Variants in ZNF85 observed in about 807,000 individuals in gnomAD.
ZNF85 encodes the protein zinc finger protein 85 (HPF4, HTF1).
Under a neutral mutation model 53.9 loss-of-function variants are expected in ZNF85, and 50 were observed. That is an observed-to-expected ratio of 0.93 (90% CI 0.74 to 1.17). The LOEUF (loss-of-function observed/expected upper bound fraction) is 1.17, where lower values mean the gene tolerates loss of function less well. ZNF85 is among the 50% of genes most tolerant of loss of function. ZNF85 has a pLI of 0.00. For synonymous variants in ZNF85, 225 were observed against 226.1 expected (o/e 1.00, Z 0.04); for missense variants, 747 against 688.5 (o/e 1.08, Z -0.95).
chr19:20,947,368 T>G (rs2144671033), intron 3 of ZNF85, among the ~76,000 whole-genome samples: 1 of 151,836 alleles, frequency 6.6e-6, no homozygotes, highest in East Asian at 1.9e-4. Flanking sequence ...GAATTCTAAT[T>G]TTGGATATGT....
chr19:20,923,381 G>A lies in ZNF85; in HGVS notation c.-20G>A. ...GGGAGATCCACAGCTAAGACGCCGG[G>A]ACCCCCTGGAAGCCTAGAAATGGTG... On this transcript the variant is annotated 5_prime_UTR_variant, in exon 1 of 4. Transcript: ENST00000328178. 6.2e-7 allele frequency: 1 copy of A among 1,614,138 alleles called. No individual in the cohort carries two copies. The highest frequency in any genetic ancestry group is 8.5e-7 in the Non-Finnish European group (1 of 1,180,014).
In ZNF85 at chr19:20,934,597, G is replaced by A. The variant is rs184591697; in HGVS notation, c.131-352G>A. ...ATCCTGGCTAACACGGTGAAACCCCGTCTCTACTAAAAATACAAAAAATTA... is the reference window on the plus strand; with the variant it reads ...ATCCTGGCTAACACGGTGAAACCCCATCTCTACTAAAAATACAAAAAATTA... On this transcript the variant is annotated intron_variant, in intron 2 of 3. Transcript: ENST00000328178. Among the ~76,000 whole-genome samples, 1,055 of 150,688 alleles carry A rather than the reference G, an allele frequency of 7.0e-3. 10 individuals carry two copies. Among genetic ancestry groups the A allele is most frequent in the African/African-American group, 0.019 (789 of 40,468 alleles).
At chr19:20,938,876 G>GTGTGTA (rs1310167478) in intron 3 of ZNF85, among the ~76,000 whole-genome samples, 2 of 140,476 alleles carry the variant, frequency 1.4e-5, no homozygotes, top group African/African-American at 5.5e-5. Context: ...GTGTGTGTGT[G>GTGTGTA]TATATATATG....
At chr19:20,943,354 T>C (rs1175700508) in intron 3 of ZNF85, 1 of 152,442 alleles carries the variant, frequency 6.6e-6, no homozygotes, top group Non-Finnish European at 1.5e-5. Flanking sequence ...TCAAAAAGTT[T>C]ACACTCTGTT....
chr19:20,945,096 A>T (rs185246590), intron 3 of ZNF85, among the ~76,000 whole-genome samples: 8 of 151,092 alleles, frequency 5.3e-5, no homozygotes, highest in African/African-American at 1.9e-4. Context: ...TAATATAAAA[A>T]CTATCATTAC....
chr19:20,947,471 T>C (rs1198152796), intron 3 of ZNF85, among the ~76,000 whole-genome samples: 1 of 146,646 alleles, frequency 6.8e-6, no homozygotes, highest in African/African-American at 2.5e-5. Flanking sequence ...ATGTAGGGCA[T>C]ATGCAGTGCC....
chr19:20,949,425 A>G lies in ZNF85; in HGVS notation c.911A>G (p.His304Arg), dbSNP rs1447454188. The change falls in exon 4 of 4, where the codon CAT becomes CGT. Residue 304 changes from histidine to arginine, a missense_variant. Transcript: ENST00000328178. ...AFNRSSTLTT[H>R]RKIHTGEKPY... ...AACCGATCTTCAACCCTTACTACCC[A>G]TAGAAAAATTCATACTGGAGAGAAA... 4 of 1,609,502 alleles carry G rather than the reference A, an allele frequency of 2.5e-6. No individual in the cohort carries two copies. The highest frequency in any genetic ancestry group is 3.4e-6 in the Non-Finnish European group (4 of 1,176,974).
intron 3 of ZNF85, chr19:20,942,736 C>T (rs1973326367): frequency 3.0e-6 from 2 of 665,326 alleles, no homozygotes; most frequent in Non-Finnish European, 5.4e-6. Context: ...TCAGAAAACA[C>T]ACAGTGTATA....
chr19:20,949,021 TA>T lies in ZNF85; in HGVS notation c.512del (p.Lys171ArgfsTer15), dbSNP rs1568556649. The T allele has an allele frequency of 1.9e-6, 3 of 1,613,778 alleles. No homozygotes were observed. In the South Asian group the frequency reaches 3.3e-5, roughly 18 times the overall value. ...CAAACAGACATGAGATAAGACATACTAAAAAGAAACCTTTCAAATGTACAAA... is the reference window on the plus strand; with the variant it reads ...CAAACAGACATGAGATAAGACATACTAAAAGAAACCTTTCAAATGTACAAA... ...NSNRHEIRHT[K>X]KKPFKCTKCG... On this transcript the variant is annotated frameshift_variant, in exon 4 of 4. Coordinates refer to ENST00000328178, the MANE Select transcript of ZNF85 (RefSeq NM_003429.5). LOFTEE classifies it high-confidence loss of function.
chr19:20,930,115 C>T (rs552447231), intron 1 of ZNF85, among the ~76,000 whole-genome samples: 30 of 100,000 alleles, frequency 3.0e-4, no homozygotes, highest in East Asian at 6.0e-4. Context: ...AGCAAGACTC[C>T]GTCCCAAAAA....
chr19:20,939,788 T>G (rs1228504613), intron 3 of ZNF85, among the ~76,000 whole-genome samples: 1 of 151,952 alleles, frequency 6.6e-6, no homozygotes, highest in Non-Finnish European at 1.5e-5. Context: ...ACCTCTGCCT[T>G]CTGGGTTCAA....
chr19:20,935,518 A>T (rs1180467497), intron 3 of ZNF85, among the ~76,000 whole-genome samples: 1 of 152,078 alleles, frequency 6.6e-6, no homozygotes, highest in Non-Finnish European at 1.5e-5. Flanking sequence ...CATTCTTGAA[A>T]TATAGTTTGA....
chr19:20,924,447 C>T (rs1347515418), intron 1 of ZNF85, among the ~76,000 whole-genome samples: 1 of 152,072 alleles, frequency 6.6e-6, no homozygotes, highest in Non-Finnish European at 1.5e-5. Context: ...GGACTAGAGC[C>T]ACCTCAGTCT....
chr19:20,926,135 AAAAT>A (rs1307862569), intron 1 of ZNF85, among the ~76,000 whole-genome samples: 1 of 152,200 alleles, frequency 6.6e-6, no homozygotes, highest in African/African-American at 2.4e-5. Flanking sequence ...TTGGCTGTAG[AAAAT>A]AAATAGATTT....
chr19:20,937,748 T>A (rs1430244191), intron 3 of ZNF85, among the ~76,000 whole-genome samples: 1 of 152,140 alleles, frequency 6.6e-6, no homozygotes, highest in Non-Finnish European at 1.5e-5. Context: ...ATTAAACTGC[T>A]TTGGGGACCA....
intron 1 of ZNF85, among the ~76,000 whole-genome samples, chr19:20,928,871 A>C (rs1269210441): frequency 6.6e-6 from 1 of 151,912 alleles, no homozygotes; most frequent in Non-Finnish European, 1.5e-5. Flanking sequence ...CCACCCATGA[A>C]GTTTTTTTCT....
Position 20,934,162 on chromosome 19 carries a change from T to G in ZNF85, c.130+12T>G. On this transcript the variant is annotated intron_variant, in intron 2 of 3. Coordinates refer to ENST00000328178, the MANE Select transcript of ZNF85 (RefSeq NM_003429.5). ...CCTGGTCTTCCTGGGTGAGGATAAC[T>G]TCAATACACAATTTCTAATATGCCC... 6.2e-7 allele frequency: 1 copy of G among 1,607,026 alleles called. No individual in the cohort carries two copies. Among genetic ancestry groups the G allele is most frequent in the Non-Finnish European group, 8.5e-7 (1 of 1,177,162 alleles).
intron 1 of ZNF85, among the ~76,000 whole-genome samples, chr19:20,923,989 G>T (rs906587063): frequency 6.6e-6 from 1 of 151,946 alleles, no homozygotes; most frequent in South Asian, 2.1e-4. Context: ...GGAGTTTGAG[G>T]CAGGAGAATC....
intron 2 of ZNF85, among the ~76,000 whole-genome samples, chr19:20,934,650 TCC>T (rs1353552536): frequency 1.3e-5 from 2 of 148,296 alleles, no homozygotes; most frequent in African/African-American, 5.2e-5. Context: ...GCACCTGTAG[TCC>T]TGTAGTCCCA....
Sources: allele counts gnomAD v4.1 joint callset (sites outside exome capture counted in the v4.1 genomes callset), GRCh38; gene constraint gnomAD v4.1.1; transcripts MANE v1.5; gene names NCBI Gene and HGNC (gene_info 2026-07-23, HGNC 2026-07-21).